Variants in TXNRD2 observed in about 807,000 individuals in gnomAD.
The protein encoded by TXNRD2 is thioredoxin reductase 2, mitochondrial.
In TXNRD2, 67 loss-of-function variants were observed where a neutral mutation model predicts 70.8. The ratio of observed to expected loss-of-function variants is 0.95; its 90% CI spans 0.78 to 1.16. The LOEUF is 1.16. Ranked by LOEUF, TXNRD2 falls within the 50% of genes most tolerant of loss-of-function variation. The pLI is 0.00. For synonymous variants in TXNRD2, 301 were observed against 295.8 expected (o/e 1.02, Z -0.18); for missense variants, 644 against 719.9 (o/e 0.89, Z 1.21).
chr22:19,925,002 G>T (rs1350449072), intron 2 of TXNRD2, among the ~76,000 whole-genome samples: 4 of 151,938 alleles, frequency 2.6e-5, no homozygotes, highest in East Asian at 1.9e-4. Flanking sequence ...AAAAAGCGGG[G>T]GGCCAGGCAT....
intron 8 of TXNRD2, chr22:19,902,861 G>A (rs1290896997): frequency 2.1e-6 from 1 of 480,200 alleles, no homozygotes; most frequent in Non-Finnish European, 4.2e-6. Context: ...CCAAATGGCT[G>A]TGGTTCTTCC....
Position 19,918,197 on chromosome 22 carries a change from A to G in TXNRD2, c.395T>C (p.Val132Ala), listed in dbSNP as rs1449070418. Residue 132 changes from valine to alanine, a missense_variant, in exon 5 of 18, where the codon GTT becomes GCT. Val to Ala is a moderately conservative substitution (Grantham distance 64, BLOSUM62 0). Around this residue, in one of 3 missense-constraint regions of TXNRD2, gnomAD observed 566 missense variants for 645.0 expected, o/e 0.88. Coordinates refer to ENST00000400521, the MANE Select transcript of TXNRD2 (RefSeq NM_006440.5). ...GTTCAAGGATTTCACGTGATTTTGA[A>G]CAGCTTCTGCCATCTTCCTCCTGTG... ...PHDWRKMAEAVQNHVKSLNWG... is the reference protein window; with the variant it reads ...PHDWRKMAEAAQNHVKSLNWG... 1.9e-6 allele frequency: 3 copies of G among 1,614,094 alleles called. No individual in the cohort carries two copies. The highest frequency in any genetic ancestry group is 2.7e-5 in the African/African-American group (2 of 74,932).
intron 1 of TXNRD2, among the ~76,000 whole-genome samples, chr22:19,941,149 C>T (rs1292925612): frequency 1.3e-5 from 2 of 152,138 alleles, no homozygotes; most frequent in African/African-American, 4.8e-5. Context: ...CTGGTCGGAT[C>T]TAGGGGAGTC....
chr22:19,903,041 C>A (rs1055649326), intron 8 of TXNRD2: 1 of 518,676 alleles, frequency 1.9e-6, no homozygotes, highest in South Asian at 1.4e-5. Context: ...CCTCTTGGAG[C>A]CCCAGGAGTG....
chr22:19,901,434 G>C (rs1019685633), intron 8 of TXNRD2, among the ~76,000 whole-genome samples: 2 of 152,184 alleles, frequency 1.3e-5, no homozygotes, highest in African/African-American at 4.8e-5. Flanking sequence ...CTATGTGTTC[G>C]GCTGAAATCT....
rs554646953 is a variant in TXNRD2, at chr22:19,914,872, T to A, written c.591+342A>T. On this transcript the variant is annotated intron_variant, in intron 7 of 17. Transcript: ENST00000400521. ...AGGAAGATGAAGAATGAGGCTTATA[T>A]CCTGAATGTTCCAACATTCTGAGGC... is the stretch of plus-strand genomic sequence containing the variant. The A allele has an allele frequency of 1.9e-5, 7 of 369,786 alleles. No homozygotes were observed. In the East Asian group the frequency reaches 4.3e-4, roughly 23 times the overall value. 22.9% of individuals were successfully genotyped at this position (369,786 alleles called of 1,614,324 possible). A position where few individuals can be genotyped will look rare whatever the true frequency, so the allele number is the denominator to read the frequency against.
chr22:19,898,166 A>G, intron 9 of TXNRD2, 36 bp from the exon 10 acceptor site: 3 of 1,538,952 alleles, frequency 1.9e-6, no homozygotes, highest in Non-Finnish European at 1.8e-6. Flanking sequence ...TGTAGATCCC[A>G]ATTTTGGAAA....
At chr22:19,941,322 T>C (rs1354542174) in intron 1 of TXNRD2, among the ~76,000 whole-genome samples, 1 of 152,114 alleles carries the variant, frequency 6.6e-6, no homozygotes, top group Non-Finnish European at 1.5e-5. Flanking sequence ...CTCTAACCTC[T>C]AGAGTCTAGG....
rs1365322316 is a variant in TXNRD2, at chr22:19,918,909, C to T, written c.325G>A (p.Asp109Asn). Reference protein sequence around the residue: ...QAALLGGLIQDAPNYGWEVAQ... With the variant: ...QAALLGGLIQNAPNYGWEVAQ... ...ACCTCCCAGCCATAGTTGGGGGCAT[C>T]TTGGATCAGGCCTCCCAGCAGTGCC... is the stretch of plus-strand genomic sequence containing the variant. Residue 109 changes from aspartate (D) to asparagine (N), a missense_variant, in exon 4 of 18, where the codon GAT (aspartate) becomes AAT (asparagine). By Grantham distance (23) the Asp-to-Asn change is conservative. Around this residue, in one of 3 missense-constraint regions of TXNRD2, gnomAD observed 566 missense variants for 645.0 expected, o/e 0.88. Coordinates refer to ENST00000400521, the MANE Select transcript of TXNRD2 (RefSeq NM_006440.5). 1 of 1,612,696 alleles carries T rather than the reference C, an allele frequency of 6.2e-7. No homozygotes were observed. Among genetic ancestry groups the T allele is most frequent in the East Asian group, 2.2e-5 (1 of 44,802 alleles).
chr22:19,920,620 T>C (rs1978057), intron 2 of TXNRD2, among the ~76,000 whole-genome samples: 60,492 of 150,562 alleles, frequency 0.4, 13,245 homozygotes, highest in African/African-American at 0.56. Context: ...AAACATTAGC[T>C]AGGGCTAATT....
At position 19,878,137 on chromosome 22, in the gene TXNRD2, A is replaced by G. The variant is rs781691483; in HGVS notation, c.1398T>C (p.Leu466=). ...PPQLVLGLHF[L]GPNAGEVTQG... is the part of the protein sequence containing the mutation. ...GAGTAACTTCGCCTGCGTTGGGGCCAAGGAAATGCAGGCCCAGCACCAGCT... is the reference window on the plus strand; with the variant it reads ...GAGTAACTTCGCCTGCGTTGGGGCCGAGGAAATGCAGGCCCAGCACCAGCT... The change falls in exon 16 of 18, where the codon CTT becomes CTC. Residue 466 remains leucine (L), a synonymous_variant. Transcript: ENST00000400521. 52 of 1,613,304 alleles carry G rather than the reference A, an allele frequency of 3.2e-5. No homozygotes were observed. Among genetic ancestry groups the G allele is most frequent in the Non-Finnish European group, 4.2e-5 (50 of 1,180,026 alleles).
At chr22:19,941,513 G>A in intron 1 of TXNRD2, 188 bp downstream of exon 1, 1 of 1,043,346 alleles carries the variant, frequency 9.6e-7, no homozygotes, top group Admixed American at 4.3e-5. Flanking sequence ...CCCCACCTGG[G>A]AAGGGGGCTA....
rs530911851 is a variant in TXNRD2, at chr22:19,932,528, T to C, written c.104-1430A>G. The C allele has an allele frequency of 5.5e-5, 85 of 1,537,930 alleles. No individual in the cohort carries two copies. The East Asian group carries it at 1.8e-3, about 33-fold the overall frequency. ...GGAGGGAGGAAGTAGAGAGGGGAAG[T>C]ACACTGAACTGGGCCTGAGGTCCGG... On this transcript the variant is annotated intron_variant, in intron 1 of 17. Transcript: ENST00000400521.
intron 2 of TXNRD2, among the ~76,000 whole-genome samples, chr22:19,930,068 G>A (rs773193997): frequency 7.2e-5 from 11 of 152,182 alleles, no homozygotes; most frequent in Non-Finnish European, 1.3e-4. Context: ...CTGCGCCATC[G>A]TTTCTGGGAG....
chr22:19,897,942 A>T (rs967080005), intron 10 of TXNRD2, 97 bp downstream of exon 10: 3 of 909,400 alleles, frequency 3.3e-6, no homozygotes, highest in Non-Finnish European at 5.0e-6. Flanking sequence ...TTCAGGCATC[A>T]CTCGTGGCCC....
At chr22:19,912,272 C>T (rs762174467) in intron 7 of TXNRD2, among the ~76,000 whole-genome samples, 1 of 152,336 alleles carries the variant, frequency 6.6e-6, no homozygotes, top group African/African-American at 2.4e-5. Context: ...TCAGGAATTT[C>T]TCAGGTTTAC....
rs540816806 is a variant in TXNRD2, at chr22:19,924,624, C to T, written c.173-5025G>A. ...GATTGTAGAGATGAAAACTACAATA[C>T]AGGAGATGAAAAATACACTGGACGG... On this transcript the variant is annotated intron_variant, in intron 2 of 17. Coordinates refer to ENST00000400521, the MANE Select transcript of TXNRD2 (RefSeq NM_006440.5). Among the ~76,000 whole-genome samples the T allele has an allele frequency of 3.9e-5, 6 of 152,250 alleles. No individual in the cohort carries two copies. The South Asian group carries it at 1.2e-3, about 32-fold the overall frequency.
chr22:19,915,932 C>T, intron 5 of TXNRD2, 89 bp from the exon 6 acceptor site: 1 of 1,215,074 alleles, frequency 8.2e-7, no homozygotes. Flanking sequence ...TAAAAGGGAG[C>T]TCCAGCCCCC....
intron 1 of TXNRD2, chr22:19,932,691 C>G (rs1483719959): frequency 3.8e-6 from 3 of 793,940 alleles, no homozygotes; most frequent in African/African-American, 1.8e-5. Flanking sequence ...GTGCCCTCAG[C>G]CCCTCTGCAG....
Sources: gnomAD v4.1 joint callset for allele counts (sites outside exome capture counted in the v4.1 genomes callset) on GRCh38, gnomAD v4.1.1 for gene constraint, gnomAD v4.1.1 regional missense constraint, MANE v1.5 for transcripts, NCBI Gene and HGNC (gene_info 2026-07-23, HGNC 2026-07-21) for gene names.